The following ARRDC5 variants were observed in gnomAD, a reference collection of about 807,000 sequenced individuals.
The protein encoded by ARRDC5 is arrestin domain-containing protein 5.
A neutral mutation model predicts 13.3 loss-of-function variants in ARRDC5; 12 were observed. The ratio of observed to expected loss-of-function variants is 0.90; its 90% CI spans 0.58 to 1.46. ARRDC5 has a LOEUF of 1.46. Ranked by LOEUF, ARRDC5 falls within the 40% of genes most tolerant of loss-of-function variation. ARRDC5 has a pLI of 0.00. For synonymous variants in ARRDC5, 181 were observed against 173.4 expected (o/e 1.04, Z -0.34); for missense variants, 406 against 418.7 (o/e 0.97, Z 0.26).
chr19:4,897,434 C>T (rs1023646682), intron 1 of ARRDC5, among the ~76,000 whole-genome samples: 47 of 152,062 alleles, frequency 3.1e-4, no homozygotes, highest in African/African-American at 1.1e-3. Context: ...AGTTGTCACC[C>T]GAAACCACTG....
At chr19:4,895,529 T>A (rs555855347) in intron 2 of ARRDC5, among the ~76,000 whole-genome samples, 5 of 151,392 alleles carry the variant, frequency 3.3e-5, no homozygotes, top group Admixed American at 3.3e-4. Context: ...AATGACTCCC[T>A]GGAGATGTGA....
the ARRDC5 span, chr19:4,909,319 A>C: frequency 1.8e-6 from 1 of 556,408 alleles, no homozygotes; most frequent in Non-Finnish European, 3.1e-6. Context: ...CAGAGCGCGC[A>C]GGGCTGGGCG....
chr19:4,891,990 C>T (rs2031529837), intron 2 of ARRDC5, among the ~76,000 whole-genome samples: 1 of 151,276 alleles, frequency 6.6e-6, no homozygotes. Context: ...TTTGGGGGCT[C>T]TCCTAGGAAG....
At chr19:4,914,072 C>CA in the ARRDC5 span, among the ~76,000 whole-genome samples, 2 of 152,026 alleles carry the variant, frequency 1.3e-5, no homozygotes, top group African/African-American at 2.4e-5. Context: ...CCCCCTCCCC[C>CA]ACCTTGGCCT....
chr19:4,914,826 G>A, the ARRDC5 span, among the ~76,000 whole-genome samples: 77 of 152,230 alleles, frequency 5.1e-4, no homozygotes, highest in African/African-American at 1.8e-3. Context: ...TACCCACCAC[G>A]CTGCAGCGCA....
chr19:4,911,259 C>T, the ARRDC5 span, among the ~76,000 whole-genome samples: 1 of 152,106 alleles, frequency 6.6e-6, no homozygotes, highest in East Asian at 1.9e-4. Flanking sequence ...GGCGGCTGGC[C>T]CTCGAATCTA....
chr19:4,911,944 T>G, the ARRDC5 span, among the ~76,000 whole-genome samples: 1 of 152,166 alleles, frequency 6.6e-6, no homozygotes, highest in Non-Finnish European at 1.5e-5. Context: ...TGTTGGATTT[T>G]GAACCGGGTA....
the ARRDC5 span, among the ~76,000 whole-genome samples, chr19:4,916,139 C>CTCTACATGAATGTAGACCCCG: frequency 2.0e-5 from 3 of 152,028 alleles, no homozygotes; most frequent in Non-Finnish European, 4.4e-5. Flanking sequence ...AAGACCCCGT[C>CTCTACATGAATGTAGACCCCG]TCTACAAAAA....
upstream of ARRDC5, among the ~76,000 whole-genome samples, chr19:4,904,369 C>T (rs1021114353): frequency 6.6e-5 from 10 of 152,078 alleles, no homozygotes; most frequent in East Asian, 7.7e-4. Context: ...TTAGTAGAGA[C>T]GGGGTTTCAT....
In ARRDC5 at chr19:4,901,480, G is replaced by A. The variant is rs150357186; in HGVS notation, c.253+1093C>T. ...AATACCAAAAATTGCTGGGCATGGTGGCGGGTGCCTGTAATCCCAGCCACT... is the reference window on the plus strand; with the variant it reads ...AATACCAAAAATTGCTGGGCATGGTAGCGGGTGCCTGTAATCCCAGCCACT... On this transcript the variant is annotated intron_variant, in intron 1 of 2. Coordinates refer to ENST00000650722, the MANE Select transcript of ARRDC5 (RefSeq NM_001080523.3). Among the ~76,000 whole-genome samples the A allele has an allele frequency of 6.4e-3, 977 of 152,182 alleles. 4 individuals carry two copies. The highest frequency in any genetic ancestry group is 0.013 in the Admixed American group (191 of 15,250).
chr19:4,899,686 C>T (rs2779170), intron 1 of ARRDC5, among the ~76,000 whole-genome samples: 50,414 of 139,022 alleles, frequency 0.36, 9,280 homozygotes, highest in Middle Eastern at 0.52. Context: ...TCCCAGCACT[C>T]TGGGAGGCCG....
intron 2 of ARRDC5, among the ~76,000 whole-genome samples, chr19:4,892,986 C>T (rs2031561643): frequency 1.3e-5 from 2 of 150,548 alleles, no homozygotes; most frequent in Non-Finnish European, 1.5e-5. Flanking sequence ...GTCGGCAATC[C>T]CAGCTACTCA....
the ARRDC5 span, among the ~76,000 whole-genome samples, chr19:4,913,937 G>T: frequency 6.7e-6 from 1 of 149,494 alleles, no homozygotes; most frequent in Admixed American, 6.8e-5. Context: ...TCAGCCTCCC[G>T]AGTAGCTGGG....
intron 2 of ARRDC5, among the ~76,000 whole-genome samples, chr19:4,892,654 C>T (rs554759621): frequency 1.3e-5 from 2 of 152,208 alleles, no homozygotes; most frequent in South Asian, 2.1e-4. Context: ...CCACTGTGCC[C>T]AGCCTGCTTT....
upstream of ARRDC5, among the ~76,000 whole-genome samples, chr19:4,905,155 C>T (rs368078009): frequency 2.5e-3 from 327 of 131,536 alleles, 1 homozygote; most frequent in Non-Finnish European, 3.5e-3. Context: ...CTTGCTCAGT[C>T]GCCCAGGCTG....
At position 4,891,506 on chromosome 19, in the gene ARRDC5, A is replaced by G; in HGVS notation, c.527T>C (p.Leu176Ser). The change falls in exon 3 of 3, where the codon TTG becomes TCG. Residue 176 changes from leucine (L) to serine (S), a missense_variant. Physicochemically the swap from Leu to Ser is moderately radical, Grantham distance 145. Transcript: ENST00000650722. ...GGTGTTCCTTTCCATCTGGATTTGC[A>G]AACAGACAGTGCCCTGGCGGCAGCA... ...YNCCRQGTVCLQIQMERNTFT... is the reference protein window; with the variant it reads ...YNCCRQGTVCSQIQMERNTFT... The G allele has an allele frequency of 6.2e-7, 1 of 1,613,912 alleles. No homozygotes were observed. Among genetic ancestry groups the G allele is most frequent in the Non-Finnish European group, 8.5e-7 (1 of 1,179,872 alleles).
the ARRDC5 span, chr19:4,910,345 G>A: frequency 6.6e-6 from 1 of 151,232 alleles, no homozygotes; most frequent in East Asian, 2.0e-4. Flanking sequence ...CGCGCGGGGG[G>A]GGCCGGCAAG....
Position 4,891,125 on chromosome 19 carries a change from G to A in ARRDC5, c.908C>T (p.Thr303Ile), listed in dbSNP as rs760685125. 52 of 1,613,868 alleles carry A rather than the reference G, an allele frequency of 3.2e-5. No individual in the cohort carries two copies. The Admixed American group carries it at 3.8e-4, about 12-fold the overall frequency. ...SLKAKVPIII[T>I]SASVDSAICQ... Reference sequence around the variant, plus strand: ...GATGGCAGAGTCCACTGAGGCGCTGGTGATGATGATGGGAACTTTGGCCTT... The same window carrying A: ...GATGGCAGAGTCCACTGAGGCGCTGATGATGATGATGGGAACTTTGGCCTT... Residue 303 changes from threonine to isoleucine, a missense_variant, in exon 3 of 3, where the codon ACC (threonine) becomes ATC (isoleucine). Thr to Ile is a moderately conservative substitution (Grantham distance 89, BLOSUM62 -1). Coordinates refer to ENST00000650722, the MANE Select transcript of ARRDC5 (RefSeq NM_001080523.3).
At chr19:4,911,136 A>C in the ARRDC5 span, 12 of 1,205,300 alleles carry the variant, frequency 1.0e-5, no homozygotes, top group Non-Finnish European at 1.3e-5. Context: ...TCCCCCCCCA[A>C]CAACCTCGTC....
Sources: allele counts gnomAD v4.1 joint callset (sites outside exome capture counted in the v4.1 genomes callset), GRCh38; gene constraint gnomAD v4.1.1; transcripts MANE v1.5; gene names NCBI Gene and HGNC (gene_info 2026-07-23, HGNC 2026-07-21).